The following SDK2 variants were observed in gnomAD, a reference collection of about 807,000 sequenced individuals.
SDK2 encodes the protein protein sidekick-2.
Under a neutral mutation model 253.9 loss-of-function variants are expected in SDK2, and 105 were observed. The ratio of observed to expected loss-of-function variants is 0.41; its 90% CI spans 0.35 to 0.49. SDK2 has a LOEUF of 0.49. Among genes scored for constraint, SDK2 ranks in the 20% least tolerant of loss-of-function variants. SDK2 has a pLI of 0.06. For synonymous variants in SDK2, 1,249 were observed against 1,234.9 expected, an observed-to-expected ratio of 1.01 and a Z score of -0.24; for missense variants, 2,608 against 3,003.0, an observed-to-expected ratio of 0.87 and a Z score of 3.07.
At position 73,379,180 on chromosome 17, in the gene SDK2, G is replaced by A; in HGVS notation, c.4977C>T (p.Tyr1659=). ...LDSQNGDIQG[Y]KIYFWEAQRG... The stretch of plus-strand genomic sequence containing the variant: ...GCTCTGCCCGAGGGCACCCTACCTT[G>A]TACCCCTGGATGTCTCCATTCTGGC... Residue 1659 remains tyrosine, a synonymous_variant, in exon 36 of 45, where the codon TAC becomes TAT. Coordinates refer to ENST00000392650, the MANE Select transcript of SDK2 (RefSeq NM_001144952.2). The surrounding 1 kb of genome is among the most constrained non-coding windows in gnomAD (Gnocchi z 4.5). 6.4e-7 allele frequency: 1 copy of A among 1,555,110 alleles called. No individual in the cohort carries two copies. The highest frequency in any genetic ancestry group is 8.7e-7 in the Non-Finnish European group (1 of 1,148,500).
chr17:73,598,198 C>A (rs2045787143), intron 1 of SDK2, among the ~76,000 whole-genome samples: 1 of 152,198 alleles, frequency 6.6e-6, no homozygotes, highest in African/African-American at 2.4e-5. Context: ...GACTTTGGAG[C>A]CATCTAAGCA....
chr17:73,587,423 C>T (rs8066502), intron 1 of SDK2, among the ~76,000 whole-genome samples: 24,972 of 152,258 alleles, frequency 0.16, 2,224 homozygotes, highest in African/African-American at 0.2. Flanking sequence ...CCCTCTGGCA[C>T]GCCTCTGTCC....
chr17:73,387,791 C>G (rs989939816), intron 30 of SDK2, 45 bp downstream of exon 30: 1 of 1,483,468 alleles, frequency 6.7e-7, no homozygotes, highest in Non-Finnish European at 9.1e-7. Context: ...CTGGTCCCGG[C>G]GGGGAGAGGG....
chr17:73,501,210 A>G (rs1013918885), intron 2 of SDK2, among the ~76,000 whole-genome samples: 4 of 147,136 alleles, frequency 2.7e-5, no homozygotes, highest in Non-Finnish European at 1.5e-5. Flanking sequence ...TGTGGGAATC[A>G]TACACACACA....
At chr17:73,396,477 C>G (rs767346099) in intron 24 of SDK2, among the ~76,000 whole-genome samples, 1 of 151,654 alleles carries the variant, frequency 6.6e-6, no homozygotes, top group Non-Finnish European at 1.5e-5. Flanking sequence ...CTTTACCCCA[C>G]TCCTCACCTT....
intron 5 of SDK2, among the ~76,000 whole-genome samples, chr17:73,441,164 T>G (rs1370319548): frequency 6.6e-6 from 1 of 151,950 alleles, no homozygotes; most frequent in African/African-American, 2.4e-5. Flanking sequence ...CTTGACGGCC[T>G]TCCCCACCCC....
chr17:73,549,769 G>A (rs1394136864), intron 1 of SDK2, among the ~76,000 whole-genome samples: 1 of 152,184 alleles, frequency 6.6e-6, no homozygotes, highest in Non-Finnish European at 1.5e-5. Context: ...GAGACAAGGA[G>A]AGGGGTGAGA....
chr17:73,398,007 C>T, intron 24 of SDK2, 28 bp downstream of exon 24: 1 of 1,604,694 alleles, frequency 6.2e-7, no homozygotes, highest in Non-Finnish European at 8.5e-7. Context: ...ATGGAGAGGT[C>T]CCACCCCTGC....
chr17:73,615,990 C>A (rs932330910), intron 1 of SDK2, among the ~76,000 whole-genome samples: 41 of 152,126 alleles, frequency 2.7e-4, no homozygotes, highest in Non-Finnish European at 8.8e-5. Context: ...AACCCAAATA[C>A]ACGTACACAC....
At chr17:73,606,378 A>AG (rs566594508) in intron 1 of SDK2, among the ~76,000 whole-genome samples, 17 of 151,674 alleles carry the variant, frequency 1.1e-4, no homozygotes, top group Non-Finnish European at 1.2e-4. Flanking sequence ...CCCTCCTCTG[A>AG]GGGGGGGCAG....
Position 73,447,530 on chromosome 17 carries a change from C to T in SDK2, c.613+85G>A, listed in dbSNP as rs1399504472. 6.6e-7 allele frequency: 1 copy of T among 1,520,298 alleles called. No homozygotes were observed. Among genetic ancestry groups the T allele is most frequent in the Non-Finnish European group, 8.9e-7 (1 of 1,124,224 alleles). 94.2% of individuals were successfully genotyped at this position (1,520,298 alleles called of 1,614,324 possible). ...TTCCCTGTCCCCCTCCTCTGCCACT[C>T]CATCTTCCCAATGATCCCCTGGAGC... On this transcript the variant is annotated intron_variant, in intron 5 of 44. Transcript: ENST00000392650. This position sits in a 1 kb window ranked among gnomAD's most constrained non-coding sequence, Gnocchi z 4.0.
rs1886905467 is a variant in SDK2, at chr17:73,352,170, C to G, written c.5758+303G>C. On this transcript the variant is annotated intron_variant, in intron 41 of 44. Transcript: ENST00000392650. The surrounding 1 kb of genome is among the most constrained non-coding windows in gnomAD (Gnocchi z 4.1). ...TTTATGGCCTGGTGCCCATGAATGT[C>G]CTGGGTGATGAGTGCATGGAAGTTT... Among the ~76,000 whole-genome samples, 1 of 152,016 alleles carries G rather than the reference C, an allele frequency of 6.6e-6. No individual in the cohort carries two copies. The highest frequency in any genetic ancestry group is 1.5e-5 in the Non-Finnish European group (1 of 67,998).
chr17:73,441,148 G>A (rs1218663689), intron 5 of SDK2, among the ~76,000 whole-genome samples: 5 of 152,050 alleles, frequency 3.3e-5, no homozygotes, highest in Admixed American at 1.3e-4. Context: ...GAGAGACATC[G>A]CTGACCTTGA....
intron 1 of SDK2, among the ~76,000 whole-genome samples, chr17:73,536,792 T>C (rs959996777): frequency 2.6e-5 from 4 of 152,168 alleles, no homozygotes; most frequent in African/African-American, 7.2e-5. Flanking sequence ...TGGGGGGCTA[T>C]AAAAGTGGTT....
At position 73,643,961 on chromosome 17, in the gene SDK2, G is replaced by GCCCCCCCCC; in HGVS notation, c.64+63_64+64insGGGGGGGGG. ...GTCACCGTGAGGCCGGCCAGCTCCCGCCGCCCCTCCCCCGCCCACTCTCCC... is the reference window on the plus strand; with the variant it reads ...GTCACCGTGAGGCCGGCCAGCTCCCGCCCCCCCCCCCGCCCCTCCCCCGCCCACTCTCCC... On this transcript the variant is annotated intron_variant, in intron 1 of 44. Coordinates refer to ENST00000392650, the MANE Select transcript of SDK2 (RefSeq NM_001144952.2). This position sits in a 1 kb window ranked among gnomAD's most constrained non-coding sequence, Gnocchi z 6.9. 3.9e-6 allele frequency: 2 copies of GCCCCCCCCC among 514,828 alleles called. No individual in the cohort carries two copies. The highest frequency in any genetic ancestry group is 3.8e-6 in the Non-Finnish European group (1 of 262,944). 31.9% of individuals were successfully genotyped at this position (514,828 alleles called of 1,614,324 possible). A position where few individuals can be genotyped will look rare whatever the true frequency, so the allele number is the denominator to read the frequency against.
At chr17:73,564,779 C>A (rs369581240) in intron 1 of SDK2, among the ~76,000 whole-genome samples, 3 of 151,744 alleles carry the variant, frequency 2.0e-5, no homozygotes, top group African/African-American at 7.3e-5. Flanking sequence ...GGGCCGAGAT[C>A]GCGCCACTGC....
At chr17:73,493,028 G>A (rs1197865413) in intron 2 of SDK2, among the ~76,000 whole-genome samples, 3 of 152,150 alleles carry the variant, frequency 2.0e-5, no homozygotes, top group African/African-American at 4.8e-5. Flanking sequence ...GGGTAAGCGG[G>A]GTCTCCAGCC....
intron 12 of SDK2, among the ~76,000 whole-genome samples, chr17:73,424,818 TG>T (rs1317568787): frequency 3.3e-5 from 5 of 152,192 alleles, no homozygotes; most frequent in African/African-American, 1.2e-4. Context: ...CCCGTTCAGC[TG>T]GGGTACAGGG....
chr17:73,342,695 C>G (rs951595606), intron 44 of SDK2, among the ~76,000 whole-genome samples: 1 of 152,190 alleles, frequency 6.6e-6, no homozygotes, highest in Non-Finnish European at 1.5e-5. Context: ...GTGGGACCAT[C>G]CCACAGTGAA....
Sources: gnomAD v4.1 joint callset for allele counts (sites outside exome capture counted in the v4.1 genomes callset) on GRCh38, gnomAD v4.1.1 for gene constraint, Gnocchi (gnomAD v3.1) non-coding constraint, MANE v1.5 for transcripts, NCBI Gene and HGNC (gene_info 2026-07-23, HGNC 2026-07-21) for gene names.